CFAP20DC: variants seen among roughly 807,000 people sequenced by gnomAD.
The protein encoded by CFAP20DC is protein CFAP20DC.
A neutral mutation model predicts 101.7 loss-of-function variants in CFAP20DC; 84 were observed. That is an observed-to-expected ratio of 0.83 (90% CI 0.69 to 0.99). The LOEUF (loss-of-function observed/expected upper bound fraction) is 0.99, where lower values mean the gene tolerates loss of function less well. CFAP20DC is among the 50% of genes least tolerant of loss of function. The pLI, the probability that CFAP20DC is intolerant of heterozygous loss-of-function variation, is 0.00. For synonymous variants in CFAP20DC, 359 were observed against 351.2 expected, an observed-to-expected ratio of 1.02 and a Z score of -0.25; for missense variants, 1,007 against 970.3, an observed-to-expected ratio of 1.04 and a Z score of -0.50.
intron 13 of CFAP20DC, among the ~76,000 whole-genome samples, chr3:58,842,215 G>A (rs979126455): frequency 3.9e-5 from 6 of 152,076 alleles, no homozygotes; most frequent in South Asian, 2.1e-4. Context: ...CGTGAGCGAC[G>A]CAGAAGACGG....
chr3:59,047,196 T>C lies in CFAP20DC; in HGVS notation c.80A>G (p.Lys27Arg). ...AQGKNPGAKW[K>R]ILGSPSVIWK... ...AATCACAGATGGACTACCAAGGATCTTCCATTTTGCTCCAGGATTTTTTCC... is the reference window on the plus strand; with the variant it reads ...AATCACAGATGGACTACCAAGGATCCTCCATTTTGCTCCAGGATTTTTTCC... Residue 27 changes from lysine (K) to arginine (R), a missense_variant, in exon 2 of 17, where the codon AAG becomes AGG. Transcript: ENST00000482387. 1.3e-6 allele frequency: 2 copies of C among 1,535,344 alleles called. No individual in the cohort carries two copies. Among genetic ancestry groups the C allele is most frequent in the Non-Finnish European group, 1.7e-6 (2 of 1,146,252 alleles).
At chr3:59,018,860 A>ACTGAAGTG (rs2093743565) in intron 4 of CFAP20DC, 1 of 152,106 alleles carries the variant, frequency 6.6e-6, no homozygotes, top group Non-Finnish European at 1.5e-5. Flanking sequence ...GTAAATATAC[A>ACTGAAGTG]CTGAAGTGTT....
chr3:58,941,009 T>C lies in CFAP20DC; in HGVS notation c.279-3247A>G, dbSNP rs962678992. Among the ~76,000 whole-genome samples, 23 of 152,306 alleles carry C rather than the reference T, an allele frequency of 1.5e-4. No individual in the cohort carries two copies. In the East Asian group the frequency reaches 4.1e-3, roughly 27 times the overall value. ...ATTTATTCCTAAGTATTTTGTCTTC[T>C]GACACAATTGAAAATGAATTTCAAA... On this transcript the variant is annotated intron_variant, in intron 4 of 16. Coordinates refer to ENST00000482387, the MANE Select transcript of CFAP20DC (RefSeq NM_001394063.1).
At position 58,943,928 on chromosome 3, in the gene CFAP20DC, C is replaced by T. The variant is rs563852984; in HGVS notation, c.279-6166G>A. 2.2e-3 allele frequency among the ~76,000 whole-genome samples: 340 copies of T among 151,922 alleles called. 2 individuals are homozygous for T. The highest frequency in any genetic ancestry group is 7.9e-3 in the African/African-American group (326 of 41,428). On this transcript the variant is annotated intron_variant, in intron 4 of 16. Transcript: ENST00000482387. The stretch of plus-strand genomic sequence containing the variant: ...CAGCACAAGAATGTTGTGAAGCATA[C>T]GCAAGTATCAATAGCCGAATCAATC...
intron 12 of CFAP20DC, among the ~76,000 whole-genome samples, chr3:58,851,853 C>T (rs2078262787): frequency 6.6e-6 from 1 of 152,064 alleles, no homozygotes; most frequent in Admixed American, 6.6e-5. Context: ...CCCAACAAAA[C>T]TCTTGCAAAT....
At chr3:58,812,028 T>G (rs1325267417) in intron 14 of CFAP20DC, among the ~76,000 whole-genome samples, 1 of 152,072 alleles carries the variant, frequency 6.6e-6, no homozygotes, top group Non-Finnish European at 1.5e-5. Flanking sequence ...CCAGTTAGAA[T>G]GGCAATCATT....
intron 4 of CFAP20DC, among the ~76,000 whole-genome samples, chr3:59,016,623 T>G (rs575326303): frequency 6.6e-6 from 1 of 152,186 alleles, no homozygotes; most frequent in African/African-American, 2.4e-5. Flanking sequence ...TTGAAATACA[T>G]GTATATGGAA....
In CFAP20DC at chr3:58,891,231, C is replaced by A. The variant is rs377204147; in HGVS notation, c.551-6522G>T. Among the ~76,000 whole-genome samples the A allele has an allele frequency of 3.4e-4, 51 of 152,020 alleles. 1 individual carries two copies. Among genetic ancestry groups the A allele is most frequent in the Admixed American group, 3.1e-3 (47 of 15,294 alleles). ...CGCGGTTAGGGGCTGGAGACCGGCCCGGCCAACACAGCGAAACCCCGTCTC... is the reference window on the plus strand; with the variant it reads ...CGCGGTTAGGGGCTGGAGACCGGCCAGGCCAACACAGCGAAACCCCGTCTC... On this transcript the variant is annotated intron_variant, in intron 6 of 16. Coordinates refer to ENST00000482387, the MANE Select transcript of CFAP20DC (RefSeq NM_001394063.1).
intron 4 of CFAP20DC, among the ~76,000 whole-genome samples, chr3:58,948,835 T>G (rs979892654): frequency 1.3e-5 from 2 of 152,236 alleles, no homozygotes; most frequent in Non-Finnish European, 2.9e-5. Context: ...CCTCTTTTTC[T>G]ATTGATTGGA....
At chr3:58,923,816 AT>A (rs1392471725) in intron 5 of CFAP20DC, among the ~76,000 whole-genome samples, 1 of 151,976 alleles carries the variant, frequency 6.6e-6, no homozygotes, top group African/African-American at 2.4e-5. Flanking sequence ...ACTTCTATAA[AT>A]TTTCTTCTCT....
chr3:58,937,893 G>T, intron 4 of CFAP20DC, 131 bp from the exon 5 acceptor site: 1 of 638,198 alleles, frequency 1.6e-6, no homozygotes, highest in Non-Finnish European at 2.7e-6. Context: ...CAGAATTTAA[G>T]AATTGCCTTT....
intron 6 of CFAP20DC, among the ~76,000 whole-genome samples, chr3:58,902,507 C>T (rs937944364): frequency 7.2e-5 from 11 of 152,300 alleles, no homozygotes; most frequent in East Asian, 1.9e-4. Flanking sequence ...TTTTAACTTG[C>T]ATTTCCCTAA....
intron 15 of CFAP20DC, among the ~76,000 whole-genome samples, chr3:58,776,727 AG>A (rs2071371106): frequency 6.6e-6 from 1 of 151,476 alleles, no homozygotes; most frequent in Admixed American, 6.6e-5. Flanking sequence ...TTATGTTACA[AG>A]GGTTCATTCC....
chr3:58,989,516 C>T (rs1419482752), intron 4 of CFAP20DC, among the ~76,000 whole-genome samples: 1 of 152,006 alleles, frequency 6.6e-6, no homozygotes, highest in Non-Finnish European at 1.5e-5. Flanking sequence ...TTTCAAGATT[C>T]ATTAATAAAC....
Position 58,884,615 on chromosome 3 carries a change from C to T in CFAP20DC, c.645G>A (p.Leu215=), listed in dbSNP as rs1350669151. 6.2e-7 allele frequency: 1 copy of T among 1,614,002 alleles called. No homozygotes were observed. Among genetic ancestry groups the T allele is most frequent in the East Asian group, 2.2e-5 (1 of 44,874 alleles). The part of the protein sequence containing the change: ...LMTDVPHVTQ[L]LNMTKLRQTE... ...TTTGGCGAAGTTTAGTCATGTTTAG[C>T]AGCTGTGTGACATGTGGAACATCTG... Residue 215 remains leucine (L), a synonymous_variant, in exon 7 of 17, where the codon CTG becomes CTA. Coordinates refer to ENST00000482387, the MANE Select transcript of CFAP20DC (RefSeq NM_001394063.1).
rs561149842 is a variant in CFAP20DC at position 58,959,807 on chromosome 3, A to AT, written c.279-22046dup. Reference sequence around the variant, plus strand: ...ACAAAAACAACAAGTGCTCACTGGGATTTTTCCTATCAAAAAAGTCTAATG... The same window carrying AT: ...ACAAAAACAACAAGTGCTCACTGGGATTTTTTCCTATCAAAAAAGTCTAATG... On this transcript the variant is annotated intron_variant, in intron 4 of 16. Transcript: ENST00000482387. Among the ~76,000 whole-genome samples the AT allele has an allele frequency of 2.0e-5, 3 of 152,284 alleles. No homozygotes were observed. The South Asian group carries it at 6.2e-4, about 32-fold the overall frequency.
At chr3:59,004,682 T>C (rs1362553549) in intron 4 of CFAP20DC, among the ~76,000 whole-genome samples, 2 of 152,244 alleles carry the variant, frequency 1.3e-5, no homozygotes. Context: ...GTAAACATGA[T>C]CTGCTTTTCT....
intron 3 of CFAP20DC, among the ~76,000 whole-genome samples, chr3:59,044,998 ACAC>A (rs1421237318): frequency 4.9e-4 from 74 of 151,722 alleles, no homozygotes; most frequent in African/African-American, 1.7e-3. Context: ...ACACACACAC[ACAC>A]ACACACACAC....
chr3:58,842,208 G>A (rs997131654), intron 13 of CFAP20DC, among the ~76,000 whole-genome samples: 3 of 152,230 alleles, frequency 2.0e-5, no homozygotes, highest in Admixed American at 1.3e-4. Context: ...CTCCCAGCGT[G>A]AGCGACGCAG....
Sources: gnomAD v4.1 joint callset for allele counts (sites outside exome capture counted in the v4.1 genomes callset) on GRCh38, gnomAD v4.1.1 for gene constraint, MANE v1.5 for transcripts, NCBI Gene and HGNC (gene_info 2026-07-23, HGNC 2026-07-21) for gene names.